The following MAD1L1 variants were observed in gnomAD, a reference collection of about 807,000 sequenced individuals.
MAD1L1 encodes mitotic arrest deficient 1 like 1, also known as mitotic spindle assembly checkpoint protein MAD1.
Under a neutral mutation model 96.9 loss-of-function variants are expected in MAD1L1, and 95 were observed. The observed-to-expected ratio is 0.98, with a 90% CI of 0.83 to 1.16. The LOEUF is 1.16. Ranked by LOEUF, MAD1L1 falls within the 50% of genes most tolerant of loss-of-function variation. The pLI is 0.00. For missense variants in MAD1L1, 1,007 were observed against 954.4 expected (o/e 1.06, Z -0.73); for synonymous variants, 473 against 396.6 (o/e 1.19, Z -2.29).
At chr7:1,960,412 A>G (rs1022156977) in intron 15 of MAD1L1, among the ~76,000 whole-genome samples, 1 of 152,106 alleles carries the variant, frequency 6.6e-6, no homozygotes, top group Non-Finnish European at 1.5e-5. Flanking sequence ...GCAACACCCA[A>G]TCAGACACCG....
chr7:1,850,702 T>C (rs1783923950), intron 18 of MAD1L1, among the ~76,000 whole-genome samples: 1 of 152,124 alleles, frequency 6.6e-6, no homozygotes, highest in Admixed American at 6.5e-5. Flanking sequence ...GGCACAGGGC[T>C]AGCCCTGTGA....
intron 15 of MAD1L1, among the ~76,000 whole-genome samples, chr7:1,971,370 G>A (rs1780398880): frequency 6.6e-6 from 1 of 152,086 alleles, no homozygotes; most frequent in Non-Finnish European, 1.5e-5. Context: ...GTCAAAACAT[G>A]GCCAACAGTT....
At chr7:1,929,228 GCTC>G (rs1789284683) in intron 17 of MAD1L1, among the ~76,000 whole-genome samples, 1 of 150,740 alleles carries the variant, frequency 6.6e-6, no homozygotes, top group African/African-American at 2.4e-5. Context: ...CCTCTTCCTC[GCTC>G]CTCCATCCTC....
At chr7:1,863,892 GC>G (rs1176469950) in intron 18 of MAD1L1, among the ~76,000 whole-genome samples, 1 of 152,192 alleles carries the variant, frequency 6.6e-6, no homozygotes, top group Non-Finnish European at 1.5e-5. Flanking sequence ...TTCAAGACCA[GC>G]CTGGCCAAGA....
chr7:1,863,222 C>T (rs1366100797), intron 18 of MAD1L1, among the ~76,000 whole-genome samples: 2 of 152,264 alleles, frequency 1.3e-5, no homozygotes, highest in East Asian at 1.9e-4. Context: ...ACGGGGTTAG[C>T]GGAGCCCAGG....
intron 11 of MAD1L1, among the ~76,000 whole-genome samples, chr7:2,138,559 T>C (rs1788869723): frequency 6.6e-6 from 1 of 152,166 alleles, no homozygotes; most frequent in Non-Finnish European, 1.5e-5. Flanking sequence ...CACTTCCGGC[T>C]TGTTAGGAGA....
intron 17 of MAD1L1, among the ~76,000 whole-genome samples, chr7:1,936,459 T>G (rs1430058383): frequency 6.6e-6 from 1 of 152,232 alleles, no homozygotes; most frequent in East Asian, 1.9e-4. Context: ...TCTCCACAGC[T>G]GCCTGCAGAC....
rs199627043 is a variant in MAD1L1, at chr7:1,966,560, C to CAAAAAA, written c.1506-8847_1506-8842dup. ...AATGGCTGAAATATCCCAAACTTGG[C>CAAAAAA]AAAAAAAAAAAAAAAACAAAAAAAA... On this transcript the variant is annotated intron_variant, in intron 15 of 18. Transcript: ENST00000265854. Among the ~76,000 whole-genome samples, 27 of 9,274 alleles carry CAAAAAA rather than the reference C, an allele frequency of 2.9e-3. 1 individual carries two copies. Among genetic ancestry groups the CAAAAAA allele is most frequent in the African/African-American group, 6.3e-3 (26 of 4,130 alleles). The allele number at this position is 9,274 out of a possible 152,430, so 6.1% of individuals were successfully genotyped here.
chr7:1,867,832 G>A (rs1389948191), intron 18 of MAD1L1, among the ~76,000 whole-genome samples: 1 of 152,228 alleles, frequency 6.6e-6, no homozygotes, highest in East Asian at 1.9e-4. Context: ...AATTGGAGCT[G>A]AAGTTGTTCC....
chr7:1,896,718 C>T (rs796521697), intron 18 of MAD1L1, among the ~76,000 whole-genome samples: 4 of 152,306 alleles, frequency 2.6e-5, no homozygotes, highest in African/African-American at 9.6e-5. Context: ...GTGGAGGGTG[C>T]CCCAAGGTTC....
At position 2,146,761 on chromosome 7, in the gene MAD1L1, C is replaced by T. The variant is rs568576037; in HGVS notation, c.1073+2391G>A. Among the ~76,000 whole-genome samples, 2 of 152,362 alleles carry T rather than the reference C, an allele frequency of 1.3e-5. No individual in the cohort carries two copies. The highest frequency in any genetic ancestry group is 3.9e-4 in the East Asian group (2 of 5,188). The stretch of plus-strand genomic sequence containing the variant: ...ATCTTCTGCCATGCCGCCTCCTTCA[C>T]GCTCATCTGAATTTCTGTCCAACTG... On this transcript the variant is annotated intron_variant, in intron 11 of 18. Coordinates refer to ENST00000265854, the MANE Select transcript of MAD1L1 (RefSeq NM_001013836.2). This position sits in a 1 kb window ranked among gnomAD's most constrained non-coding sequence, Gnocchi z 6.2.
At chr7:1,988,605 T>A (rs996097593) in intron 14 of MAD1L1, among the ~76,000 whole-genome samples, 1 of 152,054 alleles carries the variant, frequency 6.6e-6, no homozygotes, top group Non-Finnish European at 1.5e-5. Flanking sequence ...AGCAGCACAG[T>A]CCCTGACGGA....
intron 10 of MAD1L1, among the ~76,000 whole-genome samples, chr7:2,155,192 C>T (rs1789767542): frequency 6.6e-6 from 1 of 152,096 alleles, no homozygotes; most frequent in South Asian, 2.1e-4. Context: ...GGTCCTCAGG[C>T]CTGACCTGCT....
At chr7:2,006,404 T>C (rs191662974) in intron 13 of MAD1L1, among the ~76,000 whole-genome samples, 64 of 152,218 alleles carry the variant, frequency 4.2e-4, no homozygotes, top group African/African-American at 1.4e-3. Context: ...CCAGGTTCTG[T>C]GGAGGGAGGG....
chr7:1,901,099 G>A (rs1194525196), intron 17 of MAD1L1, among the ~76,000 whole-genome samples: 1 of 152,148 alleles, frequency 6.6e-6, no homozygotes, highest in Non-Finnish European at 1.5e-5. Flanking sequence ...CCCTGATCCT[G>A]GTCTCCTGTC....
intron 18 of MAD1L1, among the ~76,000 whole-genome samples, chr7:1,864,639 C>T (rs779226682): frequency 6.6e-6 from 1 of 152,230 alleles, no homozygotes; most frequent in South Asian, 2.1e-4. Context: ...GTGGCCTGGA[C>T]GTCTGTCTCC....
intron 18 of MAD1L1, among the ~76,000 whole-genome samples, chr7:1,830,124 C>G (rs556932211): frequency 6.6e-6 from 1 of 152,196 alleles, no homozygotes; most frequent in Non-Finnish European, 1.5e-5. Context: ...CAGGCCAGGC[C>G]GGTGGCTCAC....
chr7:2,058,761 G>C (rs1784496701), intron 12 of MAD1L1, among the ~76,000 whole-genome samples: 1 of 119,088 alleles, frequency 8.4e-6, no homozygotes, highest in Non-Finnish European at 1.8e-5. Flanking sequence ...AGAGAAGCAG[G>C]GCTGGAGAGG....
intron 13 of MAD1L1, among the ~76,000 whole-genome samples, chr7:2,004,900 G>A (rs964965962): frequency 6.6e-6 from 1 of 152,200 alleles, no homozygotes; most frequent in Non-Finnish European, 1.5e-5. Context: ...CCCAGGGCCT[G>A]GAAACACAGA....
Sources: allele counts gnomAD v4.1 joint callset (sites outside exome capture counted in the v4.1 genomes callset), GRCh38; gene constraint gnomAD v4.1.1; non-coding constraint Gnocchi (gnomAD v3.1); transcripts MANE v1.5; gene names NCBI Gene and HGNC (gene_info 2026-07-23, HGNC 2026-07-21).